The following GBF1 variants were observed in gnomAD, a reference collection of about 807,000 sequenced individuals.
GBF1 encodes the protein golgi brefeldin A resistant guanine nucleotide exchange factor 1.
Under a neutral mutation model 210.5 loss-of-function variants are expected in GBF1, and 114 were observed. The observed-to-expected ratio is 0.54, with a 90% CI of 0.47 to 0.63. The LOEUF is 0.63. Ranked by LOEUF, GBF1 falls within the 30% of genes least tolerant of loss-of-function variation. The pLI, the probability that GBF1 is intolerant of heterozygous loss-of-function variation, is 0.00. For missense variants in GBF1, 1,851 were observed against 2,357.7 expected (o/e 0.79, Z 4.45); for synonymous variants, 850 against 889.2 (o/e 0.96, Z 0.78).
At chr10:102,263,419 A>G (rs562944719) in intron 3 of GBF1, among the ~76,000 whole-genome samples, 1 of 152,310 alleles carries the variant, frequency 6.6e-6, no homozygotes, top group African/African-American at 2.4e-5. Flanking sequence ...CATGAAACTG[A>G]CTTGGACATG....
chr10:102,315,091 T>C (rs1348333281), intron 3 of GBF1, among the ~76,000 whole-genome samples: 1 of 152,186 alleles, frequency 6.6e-6, no homozygotes, highest in East Asian at 1.9e-4. Context: ...ACATCGCTTA[T>C]TACCAATTTT....
upstream of GBF1, among the ~76,000 whole-genome samples, chr10:102,240,709 T>C (rs1211037521): frequency 6.6e-6 from 1 of 152,118 alleles, no homozygotes; most frequent in Admixed American, 6.5e-5. Context: ...TCAGGACCCT[T>C]CTGGGCCCAG....
intron 3 of GBF1, among the ~76,000 whole-genome samples, chr10:102,296,381 G>A (rs957216126): frequency 2.6e-5 from 4 of 152,096 alleles, no homozygotes; most frequent in African/African-American, 9.7e-5. Context: ...AAGATGATAG[G>A]GATAAGAGAT....
rs2060293832 is a variant in GBF1 at position 102,372,986 on chromosome 10, C to A, written c.3660+2126C>A. 2.6e-5 allele frequency among the ~76,000 whole-genome samples: 4 copies of A among 152,124 alleles called. No individual in the cohort carries two copies. In the Middle Eastern group the frequency reaches 0.014, roughly 517 times the overall value. ...TTAGACTTGACATTAAAAGCACAAT[C>A]TAGAAAAGGAAAAATTGATAAGTTG... On this transcript the variant is annotated intron_variant, in intron 29 of 39. Coordinates refer to ENST00000369983, the MANE Select transcript of GBF1 (RefSeq NM_001377137.1).
rs192676253 is a variant in GBF1, at chr10:102,256,069, C to T, written c.-10-2860C>T. ...CAAGCAATCCTCCCACCGCAGCCTC[C>T]CTGGCAACTGGGACTACAGGTGTGC... On this transcript the variant is annotated intron_variant, in intron 1 of 39. Transcript: ENST00000369983. 7.4e-4 allele frequency among the ~76,000 whole-genome samples: 112 copies of T among 152,322 alleles called. 1 individual carries two copies. Among genetic ancestry groups the T allele is most frequent in the African/African-American group, 2.3e-3 (97 of 41,568 alleles).
Position 102,361,888 on chromosome 10 carries a change from G to A in GBF1, c.1662G>A (p.Glu554=), listed in dbSNP as rs1439413835. 6.2e-7 allele frequency: 1 copy of A among 1,606,606 alleles called. No individual in the cohort carries two copies. Among genetic ancestry groups the A allele is most frequent in the East Asian group, 2.2e-5 (1 of 44,682 alleles). The change falls in exon 14 of 40, where the codon GAG becomes GAA. Residue 554 remains glutamate (E), a synonymous_variant. Transcript: ENST00000369983. ...ACTACTACTGTTCCAACCTCTTTGA[G>A]GAACTCACAAAGCTGCTGTCCAAGG... The part of the protein sequence containing the change: ...DCDYYCSNLF[E]ELTKLLSKNA...
intron 4 of GBF1, among the ~76,000 whole-genome samples, chr10:102,350,030 T>G (rs2058836711): frequency 6.6e-6 from 1 of 152,132 alleles, no homozygotes; most frequent in African/African-American, 2.4e-5. Flanking sequence ...CGTCGTCATA[T>G]TATTTTAAAT....
chr10:102,236,593 T>TA, the GBF1 span, among the ~76,000 whole-genome samples: 1 of 151,994 alleles, frequency 6.6e-6, no homozygotes, highest in Non-Finnish European at 1.5e-5. Context: ...ATCCAGGACA[T>TA]ATGAAGGTGG....
rs148213142 is a variant in GBF1 at position 102,382,150 on chromosome 10, C to T, written c.5397C>T (p.Asp1799=). 4.3e-5 allele frequency: 70 copies of T among 1,612,294 alleles called. 1 individual carries two copies. In the South Asian group the frequency reaches 6.6e-4, roughly 15 times the overall value. Residue 1799 remains aspartate (D), a synonymous_variant, in exon 40 of 40, where the codon GAC becomes GAT. Transcript: ENST00000369983. ...SSPSRLSPTP[D]GPPPLAQPPL... is the part of the protein sequence containing the mutation. ...CCAGCAGGCTGAGCCCCACCCCCGA[C>T]GGGCCTCCACCCTTGGCTCAGCCCC...
rs2076665532 is a variant in GBF1 at position 102,293,775 on chromosome 10, T to TTTTTG, written c.163+33663_163+33664insGTTTT. Among the ~76,000 whole-genome samples the TTTTTG allele has an allele frequency of 1.1e-4, 3 of 27,496 alleles. 1 individual carries two copies. Among genetic ancestry groups the TTTTTG allele is most frequent in the Non-Finnish European group, 1.8e-4 (3 of 16,260 alleles). The allele number at this position is 27,496 out of a possible 152,430, so 18.0% of individuals were successfully genotyped here. On this transcript the variant is annotated intron_variant, in intron 3 of 39. Transcript: ENST00000369983. Reference sequence around the variant, plus strand: ...TACAGCTGTAGTATGTTTTGTGTTTTTTTTTTTTTTTTTTTTTTTTGAGAT... The same window carrying TTTTTG: ...TACAGCTGTAGTATGTTTTGTGTTTTTTTTGTTTTTTTTTTTTTTTTTTTTGAGAT...
rs150512767 is a variant in GBF1 at position 102,363,759 on chromosome 10, A to G, written c.2067A>G (p.Pro689=). 758 of 1,613,262 alleles carry G rather than the reference A, an allele frequency of 4.7e-4. 3 individuals are homozygous for G. The African/African-American group carries it at 9.1e-3, about 19-fold the overall frequency. The part of the protein sequence containing the change: ...RKPPRFSCLL[P]DPRELIEIKN... ...CACCCCGATTTTCCTGTCTCCTGCC[A>G]GATCCACGGGAACTAATTGAAATTA... Residue 689 remains proline, a synonymous_variant, in exon 17 of 40, where the codon CCA becomes CCG. Coordinates refer to ENST00000369983, the MANE Select transcript of GBF1 (RefSeq NM_001377137.1). This position sits in a 1 kb window ranked among gnomAD's most constrained non-coding sequence, Gnocchi z 4.2.
chr10:102,374,968 C>T (rs2060410811), intron 29 of GBF1, among the ~76,000 whole-genome samples: 1 of 151,632 alleles, frequency 6.6e-6, no homozygotes, highest in African/African-American at 2.4e-5. Flanking sequence ...CCTGGGAGTT[C>T]AAGACCAGCC....
At chr10:102,247,909 A>G (rs1454307829) in intron 1 of GBF1, among the ~76,000 whole-genome samples, 2 of 152,204 alleles carry the variant, frequency 1.3e-5, no homozygotes, top group Non-Finnish European at 2.9e-5. Flanking sequence ...GAGTTCTCAA[A>G]GTTACACTAC....
intron 3 of GBF1, among the ~76,000 whole-genome samples, chr10:102,289,328 G>C (rs1421746062): frequency 6.6e-6 from 1 of 152,100 alleles, no homozygotes; most frequent in Non-Finnish European, 1.5e-5. Context: ...AGAAATCCTT[G>C]TGAGAATATA....
At chr10:102,378,580 G>A (rs1478403253) in intron 33 of GBF1, among the ~76,000 whole-genome samples, 2 of 152,182 alleles carry the variant, frequency 1.3e-5, no homozygotes, top group Non-Finnish European at 2.9e-5. Context: ...CCAGGAGGCA[G>A]TGAGCCATGA....
chr10:102,326,466 C>T (rs932232213), intron 3 of GBF1, among the ~76,000 whole-genome samples: 1 of 152,156 alleles, frequency 6.6e-6, no homozygotes, highest in Admixed American at 6.6e-5. Context: ...TCTTCATTCT[C>T]CCAAATAATA....
In GBF1 at chr10:102,363,296, C is replaced by T. The variant is rs527545506; in HGVS notation, c.1917C>T (p.Ala639=). The T allele has an allele frequency of 2.5e-6, 4 of 1,613,662 alleles. No homozygotes were observed. Among genetic ancestry groups the T allele is most frequent in the Non-Finnish European group, 3.4e-6 (4 of 1,179,650 alleles). ...GCGATGGGAAAGCTGTAGGCATGGC[C>T]TCAGACATCCCAGGCCTGCATCTGC... ...TASDGKAVGM[A]SDIPGLHLPG... is the part of the protein sequence containing the mutation. Residue 639 remains alanine, a synonymous_variant, in exon 16 of 40, where the codon GCC becomes GCT. Transcript: ENST00000369983. This position sits in a 1 kb window ranked among gnomAD's most constrained non-coding sequence, Gnocchi z 4.2.
At chr10:102,355,632 T>C (rs1429938291) in intron 8 of GBF1, among the ~76,000 whole-genome samples, 1 of 152,110 alleles carries the variant, frequency 6.6e-6, no homozygotes, top group Non-Finnish European at 1.5e-5. Flanking sequence ...TTGCAGAAGA[T>C]AGAGAAGGAA....
intron 4 of GBF1, 124 bp from the exon 5 acceptor site, chr10:102,351,132 G>A: frequency 1.7e-6 from 1 of 573,344 alleles, no homozygotes; most frequent in South Asian, 2.3e-5. Context: ...TTCTCAGGTA[G>A]CTCAAGGAGC....
Sources: allele counts gnomAD v4.1 joint callset (sites outside exome capture counted in the v4.1 genomes callset), GRCh38; gene constraint gnomAD v4.1.1; non-coding constraint Gnocchi (gnomAD v3.1); transcripts MANE v1.5; gene names NCBI Gene and HGNC (gene_info 2026-07-23, HGNC 2026-07-21).